WHAMM: variants seen among roughly 807,000 people sequenced by gnomAD.
WHAMM encodes the protein WASP homolog-associated protein with actin, membranes and microtubules.
Under a neutral mutation model 76.5 loss-of-function variants are expected in WHAMM, and 67 were observed. That is an observed-to-expected ratio of 0.88 (90% CI 0.72 to 1.07). WHAMM has a LOEUF of 1.07. Among genes scored for constraint, WHAMM ranks in the 50% least tolerant of loss-of-function variants. The pLI is 0.00. For missense variants in WHAMM, 1,021 were observed against 1,051.1 expected, an observed-to-expected ratio of 0.97 and a Z score of 0.40; for synonymous variants, 419 against 422.1, an observed-to-expected ratio of 0.99 and a Z score of 0.09.
intron 2 of WHAMM, among the ~76,000 whole-genome samples, chr15:82,815,803 C>G (rs1437526035): frequency 6.6e-6 from 1 of 152,162 alleles, no homozygotes; most frequent in Non-Finnish European, 1.5e-5. Context: ...ATTTGTAATT[C>G]CTTGTCGGCT....
In WHAMM at chr15:82,830,914, C is replaced by T. The variant is rs2051019746; in HGVS notation, c.1957C>T (p.Pro653Ser). The T allele has an allele frequency of 1.9e-6, 3 of 1,583,290 alleles. No homozygotes were observed. The highest frequency in any genetic ancestry group is 2.6e-6 in the Non-Finnish European group (3 of 1,158,794). The change falls in exon 9 of 10, where the codon CCG (proline) becomes TCG (serine). Residue 653 changes from proline to serine, a missense_variant. This residue lies in a region of WHAMM where 509 missense variants were observed against 492.3 expected (regional missense o/e 1.03). Coordinates refer to ENST00000286760, the MANE Select transcript of WHAMM (RefSeq NM_001080435.3). ...PPPPPPPPPP[P>S]PPPPPLRALS... is the part of the protein sequence containing the mutation. ...TCCACCACCACCACCGCCGCCACCG[C>T]CGCCCCCACCCCCTCCTCTCCGTGC...
At position 82,833,634 on chromosome 15, in the gene WHAMM, G is replaced by A; in HGVS notation, c.*98G>A. On this transcript the variant is annotated 3_prime_UTR_variant, in exon 10 of 10. Coordinates refer to ENST00000286760, the MANE Select transcript of WHAMM (RefSeq NM_001080435.3). ...CATACTAACAGGGTGCTGATAGATG[G>A]GCCACATAACACCCCGGAAGATCAG... 1 of 1,340,208 alleles carries A rather than the reference G, an allele frequency of 7.5e-7. No homozygotes were observed. Among genetic ancestry groups the A allele is most frequent in the Non-Finnish European group, 1.0e-6 (1 of 988,130 alleles). 83.0% of individuals were successfully genotyped at this position (1,340,208 alleles called of 1,614,324 possible). A position where few individuals can be genotyped will look rare whatever the true frequency, so the allele number is the denominator to read the frequency against.
At chr15:82,823,538 GCCC>G (rs2050874370) in intron 6 of WHAMM, among the ~76,000 whole-genome samples, 1 of 151,894 alleles carries the variant, frequency 6.6e-6, no homozygotes, top group Non-Finnish European at 1.5e-5. Context: ...TTTGTTGAAT[GCCC>G]ATTGCATACA....
At chr15:82,827,856 A>G (rs959372802) in intron 8 of WHAMM, among the ~76,000 whole-genome samples, 4 of 152,122 alleles carry the variant, frequency 2.6e-5, no homozygotes, top group Admixed American at 6.5e-5. Flanking sequence ...AAGGCACAAG[A>G]ATCACTTGAG....
At chr15:82,816,662 T>G (rs1422902379) in intron 2 of WHAMM, 30 bp from the exon 3 acceptor site, 4 of 1,527,646 alleles carry the variant, frequency 2.6e-6, no homozygotes, top group African/African-American at 1.4e-5. Context: ...TATTAGCTCT[T>G]ACTAAGAAAA....
chr15:82,814,455 CTTCT>C (rs2050684425), intron 2 of WHAMM, among the ~76,000 whole-genome samples: 1 of 152,102 alleles, frequency 6.6e-6, no homozygotes, highest in African/African-American at 2.4e-5. Context: ...TTTTTCCTTT[CTTCT>C]TTTTTTTTGA....
chr15:82,833,353 A>C lies in WHAMM; in HGVS notation c.2247A>C (p.Gln749His). 1 of 1,614,064 alleles carries C rather than the reference A, an allele frequency of 6.2e-7. No homozygotes were observed. The highest frequency in any genetic ancestry group is 8.5e-7 in the Non-Finnish European group (1 of 1,179,906). Residue 749 changes from glutamine to histidine, a missense_variant, in exon 10 of 10, where the codon CAA becomes CAC. By Grantham distance (24) the Gln-to-His change is conservative. Around this residue, in one of 3 missense-constraint regions of WHAMM, gnomAD observed 509 missense variants for 492.3 expected, o/e 1.03. Coordinates refer to ENST00000286760, the MANE Select transcript of WHAMM (RefSeq NM_001080435.3). ...INEHILAAIR[Q>H]GVKLKKVHPD... ...AGCACATTCTGGCTGCCATAAGGCAAGGGGTCAAACTGAAGAAAGTTCACC... is the reference window on the plus strand; with the variant it reads ...AGCACATTCTGGCTGCCATAAGGCACGGGGTCAAACTGAAGAAAGTTCACC...
chr15:82,814,053 TAGC>T (rs1487777932), intron 2 of WHAMM, among the ~76,000 whole-genome samples: 3 of 152,336 alleles, frequency 2.0e-5, no homozygotes, highest in East Asian at 1.9e-4. Flanking sequence ...AAAATTTAAA[TAGC>T]AGGACCCTAG....
Position 82,823,085 on chromosome 15 carries a change from T to G in WHAMM, c.1271-15T>G. On this transcript the variant is annotated splice_polypyrimidine_tract_variant and intron_variant, in intron 5 of 9. Transcript: ENST00000286760. ...TAATAAAATATGTTTTAAACAATCA[T>G]TAATACATTTTTAGAAAAACAAGAT... 4 of 1,298,010 alleles carry G rather than the reference T, an allele frequency of 3.1e-6. No homozygotes were observed. Among genetic ancestry groups the G allele is most frequent in the Non-Finnish European group, 4.0e-6 (4 of 1,010,724 alleles). 80.4% of individuals were successfully genotyped at this position (1,298,010 alleles called of 1,614,324 possible). A position where few individuals can be genotyped will look rare whatever the true frequency, so the allele number is the denominator to read the frequency against.
intron 2 of WHAMM, among the ~76,000 whole-genome samples, chr15:82,815,095 A>G (rs1435460168): frequency 9.1e-5 from 12 of 131,598 alleles, no homozygotes; most frequent in African/African-American, 2.8e-4. Context: ...GTGTTTTAAG[A>G]TATCACTCAC....
At chr15:82,820,916 A>AAAAAG (rs2050813744) in intron 5 of WHAMM, among the ~76,000 whole-genome samples, 13 of 150,896 alleles carry the variant, frequency 8.6e-5, no homozygotes, top group Non-Finnish European at 1.3e-4. Flanking sequence ...AAAAAAAAAA[A>AAAAAG]AAAAGAAAAA....
chr15:82,816,948 G>A (rs2050737116), intron 3 of WHAMM, 106 bp downstream of exon 3: 3 of 1,162,880 alleles, frequency 2.6e-6, no homozygotes, highest in Non-Finnish European at 3.6e-6. Flanking sequence ...TTTTCTAGGT[G>A]CTGAGAATTC....
intron 8 of WHAMM, among the ~76,000 whole-genome samples, chr15:82,827,801 C>T (rs565965114): frequency 1.2e-4 from 19 of 152,132 alleles, no homozygotes; most frequent in African/African-American, 3.4e-4. Flanking sequence ...AAAAATTAGC[C>T]GGGCATGGTG....
At chr15:82,827,617 C>G (rs1222281057) in intron 8 of WHAMM, among the ~76,000 whole-genome samples, 1 of 152,184 alleles carries the variant, frequency 6.6e-6, no homozygotes, top group Non-Finnish European at 1.5e-5. Context: ...TCACCTCAAA[C>G]ATTCATCTAA....
intron 6 of WHAMM, 157 bp from the exon 7 acceptor site, chr15:82,826,253 A>C (rs2050931199): frequency 1.5e-6 from 1 of 648,904 alleles, no homozygotes; most frequent in Admixed American, 2.8e-5. Flanking sequence ...CCCTCATCAT[A>C]GACTGCGGAG....
Position 82,809,719 on chromosome 15 carries a change from C to T in WHAMM, c.-8C>T, listed in dbSNP as rs749369793. On this transcript the variant is annotated 5_prime_UTR_variant, in exon 1 of 10. Transcript: ENST00000286760. ...CGCCGAGCCCTAGGGCCGCTGCTGC[C>T]GACAGCCATGGAGGACGAGCAGCCT... The T allele has an allele frequency of 3.1e-5, 46 of 1,462,240 alleles. No homozygotes were observed. The highest frequency in any genetic ancestry group is 4.1e-5 in the Non-Finnish European group (45 of 1,102,706). 90.6% of individuals were successfully genotyped at this position (1,462,240 alleles called of 1,614,324 possible).
In WHAMM at chr15:82,833,506, T is replaced by G. The variant is rs1490538463; in HGVS notation, c.2400T>G (p.Asp800Glu). Residue 800 changes from aspartate (D) to glutamate (E), a missense_variant, in exon 10 of 10, where the codon GAT (aspartate) becomes GAG (glutamate). Physicochemically the swap from Asp to Glu is conservative, Grantham distance 45. Around this residue, in one of 3 missense-constraint regions of WHAMM, gnomAD observed 509 missense variants for 492.3 expected, o/e 1.03. Coordinates refer to ENST00000286760, the MANE Select transcript of WHAMM (RefSeq NM_001080435.3). ...CTGCTGACTCTGAGGAGGACAGTGA[T>G]GAGCAGGACCCTGGCCAGTGGGATG... ...RVSADSEEDS[D>E]EQDPGQWDG 2.5e-6 allele frequency: 4 copies of G among 1,613,872 alleles called. No individual in the cohort carries two copies. The highest frequency in any genetic ancestry group is 3.4e-6 in the Non-Finnish European group (4 of 1,179,850).
chr15:82,832,850 G>C (rs1344247340), intron 9 of WHAMM, among the ~76,000 whole-genome samples: 3 of 152,132 alleles, frequency 2.0e-5, no homozygotes, highest in Non-Finnish European at 4.4e-5. Context: ...AGCTTCAGAG[G>C]TATCCAGGTC....
intron 6 of WHAMM, 77 bp from the exon 7 acceptor site, chr15:82,826,333 G>A (rs899799603): frequency 1.3e-6 from 2 of 1,503,008 alleles, no homozygotes; most frequent in African/African-American, 1.4e-5. Context: ...CAAATGCAGT[G>A]CTTTTTTCTT....
Sources: allele counts gnomAD v4.1 joint callset (sites outside exome capture counted in the v4.1 genomes callset), GRCh38; gene constraint gnomAD v4.1.1; regional missense constraint gnomAD v4.1.1; transcripts MANE v1.5; gene names NCBI Gene and HGNC (gene_info 2026-07-23, HGNC 2026-07-21).